Variants in PDCD6IP observed in about 807,000 individuals in gnomAD.
The protein encoded by PDCD6IP is programmed cell death 6 interacting protein, also known as programmed cell death 6-interacting protein.
In PDCD6IP, 43 loss-of-function variants were observed where a neutral mutation model predicts 103.7. The ratio of observed to expected loss-of-function variants is 0.41; its 90% CI spans 0.32 to 0.53. The LOEUF (loss-of-function observed/expected upper bound fraction) is 0.53, where lower values mean the gene tolerates loss of function less well. Ranked by LOEUF, PDCD6IP falls within the 20% of genes least tolerant of loss-of-function variation. PDCD6IP has a pLI of 0.16. For missense variants in PDCD6IP, 871 were observed against 1,036.7 expected, an observed-to-expected ratio of 0.84 and a Z score of 2.20; for synonymous variants, 354 against 378.7, an observed-to-expected ratio of 0.93 and a Z score of 0.76.
intron 15 of PDCD6IP, among the ~76,000 whole-genome samples, chr3:33,857,175 GT>G: frequency 6.7e-6 from 1 of 148,864 alleles, no homozygotes; most frequent in Admixed American, 6.9e-5. Flanking sequence ...GGTTCTAAAT[GT>G]TTAAAAAAAG....
chr3:33,858,670 C>T (rs558161849), intron 15 of PDCD6IP, among the ~76,000 whole-genome samples: 31 of 152,044 alleles, frequency 2.0e-4, no homozygotes, highest in African/African-American at 7.0e-4. Context: ...ACTAGCTGGG[C>T]GTGGTGGCGG....
intron 3 of PDCD6IP, among the ~76,000 whole-genome samples, chr3:33,819,938 A>G (rs547748390): frequency 6.6e-6 from 1 of 152,322 alleles, no homozygotes; most frequent in South Asian, 2.1e-4. Flanking sequence ...TTGTGCAAAC[A>G]TCATCTCGAG....
chr3:33,825,361 T>C (rs1697096761), intron 5 of PDCD6IP, 21 bp downstream of exon 5: 1 of 1,575,786 alleles, frequency 6.3e-7, no homozygotes, highest in Admixed American at 2.0e-5. Context: ...TTTATCTTTT[T>C]GTTGCATGTG....
Position 33,799,095 on chromosome 3 carries a change from G to C in PDCD6IP, c.209+158G>C, listed in dbSNP as rs551978961. Reference sequence around the variant, plus strand: ...TGTGGTCTGCATTCTTTGCTGGTGAGCAGGACCCGCCCTGCAGGCCCGCTG... The same window carrying C: ...TGTGGTCTGCATTCTTTGCTGGTGACCAGGACCCGCCCTGCAGGCCCGCTG... On this transcript the variant is annotated intron_variant, in intron 1 of 17. Transcript: ENST00000307296. 7.0e-6 allele frequency: 5 copies of C among 712,954 alleles called. No individual in the cohort carries two copies. The Admixed American group carries it at 1.5e-4, about 21-fold the overall frequency. The allele number at this position is 712,954 out of a possible 1,614,324, so 44.2% of individuals were successfully genotyped here.
chr3:33,863,989 ACTC>A lies in PDCD6IP; in HGVS notation c.2121-16_2121-14del. On this transcript the variant is annotated splice_polypyrimidine_tract_variant and intron_variant, in intron 15 of 17. Coordinates refer to ENST00000307296, the MANE Select transcript of PDCD6IP (RefSeq NM_013374.6). ...TTTTTCTATCATGTTAATTTTTAAC[ACTC>A]TGTCTTTGATAAGGGACTTGCAACA... The A allele has an allele frequency of 6.4e-7, 1 of 1,568,294 alleles. No homozygotes were observed. Among genetic ancestry groups the A allele is most frequent in the Non-Finnish European group, 8.8e-7 (1 of 1,141,494 alleles).
intron 3 of PDCD6IP, among the ~76,000 whole-genome samples, chr3:33,815,170 T>C (rs1183219746): frequency 6.7e-6 from 1 of 149,940 alleles, no homozygotes; most frequent in African/African-American, 2.4e-5. Context: ...TATTTTATAG[T>C]AGATATTATA....
intron 11 of PDCD6IP, among the ~76,000 whole-genome samples, chr3:33,845,136 G>A (rs1355680980): frequency 6.6e-6 from 1 of 151,826 alleles, no homozygotes; most frequent in Non-Finnish European, 1.5e-5. Flanking sequence ...TCATTCATGA[G>A]TTATAGGAAA....
chr3:33,859,179 G>A (rs1006016576), intron 15 of PDCD6IP, among the ~76,000 whole-genome samples: 3 of 152,150 alleles, frequency 2.0e-5, no homozygotes, highest in Non-Finnish European at 2.9e-5. Flanking sequence ...GTGGACAACT[G>A]CCCAGCCATT....
intron 1 of PDCD6IP, among the ~76,000 whole-genome samples, chr3:33,804,637 A>G (rs1696551378): frequency 6.6e-6 from 1 of 152,254 alleles, no homozygotes; most frequent in Admixed American, 6.5e-5. Context: ...AAATCTTATC[A>G]GGACTATCAT....
At chr3:33,828,738 C>T in intron 6 of PDCD6IP, 115 bp from the exon 7 acceptor site, 1 of 1,068,154 alleles carries the variant, frequency 9.4e-7, no homozygotes. Context: ...ATCTCTAAAC[C>T]ATTAATGGGG....
chr3:33,824,010 C>G (rs139376537), intron 4 of PDCD6IP, among the ~76,000 whole-genome samples: 18 of 152,216 alleles, frequency 1.2e-4, no homozygotes, highest in African/African-American at 4.1e-4. Context: ...CACCCAGAAG[C>G]TTTGTGCCGT....
intron 7 of PDCD6IP, among the ~76,000 whole-genome samples, chr3:33,833,755 G>GT (rs1697289112): frequency 1.3e-5 from 2 of 152,114 alleles, no homozygotes; most frequent in African/African-American, 2.4e-5. Context: ...CTTGTTTTCA[G>GT]TTTTTTCCTT....
At chr3:33,846,107 A>G (rs1046310643) in intron 12 of PDCD6IP, among the ~76,000 whole-genome samples, 2 of 152,222 alleles carry the variant, frequency 1.3e-5, no homozygotes, top group African/African-American at 4.8e-5. Flanking sequence ...GAAAGTCCTA[A>G]AAGAAGAGAA....
At position 33,798,703 on chromosome 3, in the gene PDCD6IP, C is replaced by A; in HGVS notation, c.-26C>A. On this transcript the variant is annotated 5_prime_UTR_variant, in exon 1 of 18. Coordinates refer to ENST00000307296, the MANE Select transcript of PDCD6IP (RefSeq NM_013374.6). ...CGTAAGCTGTCCGCGGTCTGTTTGG[C>A]CCGAACGGCGGCGGAGGCGCTGATC... The A allele has an allele frequency of 1.3e-6, 2 of 1,524,644 alleles. No individual in the cohort carries two copies. Among genetic ancestry groups the A allele is most frequent in the Admixed American group, 2.0e-5 (1 of 49,982 alleles). The allele number at this position is 1,524,644 out of a possible 1,614,324, so 94.4% of individuals were successfully genotyped here.
At chr3:33,824,230 T>G (rs1218642297) in intron 4 of PDCD6IP, among the ~76,000 whole-genome samples, 2 of 152,048 alleles carry the variant, frequency 1.3e-5, no homozygotes, top group African/African-American at 4.8e-5. Flanking sequence ...TTCTCTGTGT[T>G]GTCTATTTAT....
intron 14 of PDCD6IP, among the ~76,000 whole-genome samples, chr3:33,854,249 A>G (rs916142377): frequency 6.6e-6 from 1 of 152,210 alleles, no homozygotes; most frequent in Non-Finnish European, 1.5e-5. Context: ...AAAGGGGTAT[A>G]AATATTCCAG....
In PDCD6IP at chr3:33,868,150, C is replaced by A. The variant is rs1342882703; in HGVS notation, c.*1625C>A. On this transcript the variant is annotated 3_prime_UTR_variant, in exon 18 of 18. Coordinates refer to ENST00000307296, the MANE Select transcript of PDCD6IP (RefSeq NM_013374.6). ...TTGCTAAGATTTAATACTTTGGATTCATCAAAGTGTGACATGGGCTTGTTT... is the reference window on the plus strand; with the variant it reads ...TTGCTAAGATTTAATACTTTGGATTAATCAAAGTGTGACATGGGCTTGTTT... The A allele has an allele frequency of 6.6e-6, 1 of 152,144 alleles. No homozygotes were observed. The highest frequency in any genetic ancestry group is 1.5e-5 in the Non-Finnish European group (1 of 68,036). 9.4% of individuals were successfully genotyped at this position (152,144 alleles called of 1,614,324 possible).
chr3:33,831,155 C>T (rs1239658432), intron 7 of PDCD6IP, among the ~76,000 whole-genome samples: 1 of 151,666 alleles, frequency 6.6e-6, no homozygotes, highest in African/African-American at 2.4e-5. Flanking sequence ...GTTTATGTGG[C>T]CCCAGAAGAT....
At chr3:33,808,484 G>A (rs1375351613) in intron 1 of PDCD6IP, among the ~76,000 whole-genome samples, 1 of 152,084 alleles carries the variant, frequency 6.6e-6, no homozygotes, top group Non-Finnish European at 1.5e-5. Flanking sequence ...CTCACTATGT[G>A]CCCAGGGTGG....
Sources: allele counts gnomAD v4.1 joint callset (sites outside exome capture counted in the v4.1 genomes callset), GRCh38; gene constraint gnomAD v4.1.1; transcripts MANE v1.5; gene names NCBI Gene and HGNC (gene_info 2026-07-23, HGNC 2026-07-21).